Variants in SPDYE21 observed in about 807,000 individuals in gnomAD.
The protein encoded by SPDYE21 is speedy protein E21.
In SPDYE21, 14 loss-of-function variants were observed where a neutral mutation model predicts 36.2. The observed-to-expected ratio is 0.39, with a 90% CI of 0.26 to 0.61. The LOEUF (loss-of-function observed/expected upper bound fraction) is 0.61. Among genes scored for constraint, SPDYE21 ranks in the 20% least tolerant of loss-of-function variants. The pLI, the probability that SPDYE21 is intolerant of heterozygous loss-of-function variation, is 0.55. For synonymous variants in SPDYE21, 58 were observed against 155.1 expected, an observed-to-expected ratio of 0.37 and a Z score of 4.65; for missense variants, 233 against 424.6, an observed-to-expected ratio of 0.55 and a Z score of 3.97.
intron 3 of SPDYE21, among the ~76,000 whole-genome samples, chr7:67,280,808 T>G (rs1584747191): frequency 2.6e-5 from 3 of 115,374 alleles, no homozygotes; most frequent in Admixed American, 1.0e-4. Context: ...TGAGGCAGGG[T>G]GCAGTGGCTC....
At chr7:67,286,005 G>C in intron 6 of SPDYE21, 39 bp from the exon 7 acceptor site, 2 of 1,612,216 alleles carry the variant, frequency 1.2e-6, no homozygotes, top group Middle Eastern at 4.4e-4. Flanking sequence ...GGCCTCTCCT[G>C]GTGGTGCCCC....
chr7:67,282,583 C>T (rs551120950), intron 4 of SPDYE21, 52 bp from the exon 5 acceptor site: 20 of 1,595,728 alleles, frequency 1.3e-5, no homozygotes, highest in Admixed American at 6.7e-5. Context: ...CCTGCTGCTC[C>T]CACGGAAACC....
At chr7:67,287,301 C>G (rs1440887003) in intron 8 of SPDYE21, among the ~76,000 whole-genome samples, 2 of 152,172 alleles carry the variant, frequency 1.3e-5, no homozygotes, top group Non-Finnish European at 2.9e-5. Flanking sequence ...CTGGGGCTGA[C>G]CTTGGGTGTA....
rs1802551999 is a variant in SPDYE21, at chr7:67,276,989, T to C, written c.-496T>C. ...GGGATCGGCTTCCTCTTTCAGTGTGTGCCTTTTCTATGAGCGAGAGACTCC... is the reference window on the plus strand; with the variant it reads ...GGGATCGGCTTCCTCTTTCAGTGTGCGCCTTTTCTATGAGCGAGAGACTCC... On this transcript the variant is annotated 5_prime_UTR_variant, in exon 1 of 9. Transcript: ENST00000424157. Among the ~76,000 whole-genome samples, 4 of 152,202 alleles carry C rather than the reference T, an allele frequency of 2.6e-5. No homozygotes were observed. In the South Asian group the frequency reaches 8.3e-4, roughly 32 times the overall value.
intron 6 of SPDYE21, among the ~76,000 whole-genome samples, chr7:67,284,962 T>C: frequency 6.6e-6 from 1 of 151,152 alleles, no homozygotes. Flanking sequence ...CCAAATGCCC[T>C]CCACTCGACT....
At chr7:67,285,300 C>T (rs1174778733) in intron 6 of SPDYE21, among the ~76,000 whole-genome samples, 2 of 152,218 alleles carry the variant, frequency 1.3e-5, no homozygotes, top group Non-Finnish European at 2.9e-5. Flanking sequence ...ACCACAGCCT[C>T]CATATCCTGG....
rs1381148468 is a variant in SPDYE21, at chr7:67,279,992, C to G, written c.335C>G (p.Ser112Ter). Residue 112 changes from serine to a stop codon, truncating the protein, a stop_gained, in exon 3 of 9, where the codon TCA becomes TGA. Transcript: ENST00000424157. LOFTEE classifies it high-confidence loss of function. ...LKMKLKQQRV[S>*]PILPEHHKDF... ...ATGAAGCTGAAGCAACAGCGAGTGTCACCCATCCTCCCTGAGCACCACAAG... is the reference window on the plus strand; with the variant it reads ...ATGAAGCTGAAGCAACAGCGAGTGTGACCCATCCTCCCTGAGCACCACAAG... 3 of 1,581,260 alleles carry G rather than the reference C, an allele frequency of 1.9e-6. No homozygotes were observed. Among genetic ancestry groups the G allele is most frequent in the Non-Finnish European group, 2.6e-6 (3 of 1,171,882 alleles).
At chr7:67,285,768 C>A (rs554332468) in intron 6 of SPDYE21, among the ~76,000 whole-genome samples, 6 of 152,202 alleles carry the variant, frequency 3.9e-5, no homozygotes, top group African/African-American at 1.4e-4. Flanking sequence ...CTCAAGTGAT[C>A]CTCCTGCTTT....
intron 2 of SPDYE21, 146 bp from the exon 3 acceptor site, chr7:67,279,672 A>G: frequency 6.3e-7 from 1 of 1,576,584 alleles, no homozygotes; most frequent in Non-Finnish European, 8.5e-7. Context: ...CATGGGGTTG[A>G]GCAGAGGAGA....
intron 5 of SPDYE21, among the ~76,000 whole-genome samples, chr7:67,283,279 A>T (rs1021054810): frequency 1.3e-5 from 2 of 150,524 alleles, no homozygotes; most frequent in African/African-American, 4.9e-5. Context: ...GACTAGGCAC[A>T]TGCCACCATG....
chr7:67,288,468 TTAAA>T lies in SPDYE21; in HGVS notation c.*999_*1002del, dbSNP rs1489616116. ...ATTATTTAAATATTATTTTATTTAT[TTAAA>T]TATTTATTAAATATATTTATTTATT... On this transcript the variant is annotated 3_prime_UTR_variant, in exon 9 of 9. Coordinates refer to ENST00000424157, the MANE Select transcript of SPDYE21 (RefSeq NM_001382715.2). Among the ~76,000 whole-genome samples the T allele has an allele frequency of 6.8e-6, 1 of 147,168 alleles. No homozygotes were observed. Among genetic ancestry groups the T allele is most frequent in the East Asian group, 1.9e-4 (1 of 5,152 alleles).
rs563089137 is a variant in SPDYE21 at position 67,277,593 on chromosome 7, G to T, written c.-423+531G>T. ...CCACCACACCTGGCTAATTTGGTTTGGTTTTGTTTTTTTAGAGATGGGCTC... is the reference window on the plus strand; with the variant it reads ...CCACCACACCTGGCTAATTTGGTTTTGTTTTGTTTTTTTAGAGATGGGCTC... On this transcript the variant is annotated intron_variant, in intron 1 of 8. Transcript: ENST00000424157. Among the ~76,000 whole-genome samples, 4 of 151,714 alleles carry T rather than the reference G, an allele frequency of 2.6e-5. No homozygotes were observed. The East Asian group carries it at 5.8e-4, about 22-fold the overall frequency.
intron 6 of SPDYE21, among the ~76,000 whole-genome samples, chr7:67,284,204 T>C (rs1802688581): frequency 6.7e-6 from 1 of 148,992 alleles, no homozygotes; most frequent in African/African-American, 2.5e-5. Flanking sequence ...ATCCCAGCAC[T>C]TTGGGAGGCC....
chr7:67,285,464 C>A (rs1035760574), intron 6 of SPDYE21, among the ~76,000 whole-genome samples: 2 of 151,778 alleles, frequency 1.3e-5, no homozygotes, highest in African/African-American at 4.8e-5. Flanking sequence ...AATCTCAACT[C>A]ACTGCAGCCT....
intron 8 of SPDYE21, among the ~76,000 whole-genome samples, chr7:67,286,995 C>T (rs1244472207): frequency 6.6e-6 from 1 of 152,126 alleles, no homozygotes; most frequent in Non-Finnish European, 1.5e-5. Flanking sequence ...GATTGACGCA[C>T]TTGAGTTACT....
At chr7:67,281,858 G>C (rs1013844971) in intron 4 of SPDYE21, among the ~76,000 whole-genome samples, 1 of 152,206 alleles carries the variant, frequency 6.6e-6, no homozygotes, top group Non-Finnish European at 1.5e-5. Flanking sequence ...TGAGATCCCA[G>C]CACGTTGGGA....
rs1802724860 is a variant in SPDYE21 at position 67,286,032 on chromosome 7, T to G, written c.756-12T>G. On this transcript the variant is annotated splice_polypyrimidine_tract_variant and intron_variant, in intron 6 of 8. Coordinates refer to ENST00000424157, the MANE Select transcript of SPDYE21 (RefSeq NM_001382715.2). ...TGGTGCCCCTGAGCAGCAACCTGAT[T>G]TCTATCCTCAGCTACCTGGCCAATG... The G allele has an allele frequency of 6.2e-7, 1 of 1,612,578 alleles. No individual in the cohort carries two copies. Among genetic ancestry groups the G allele is most frequent in the South Asian group, 1.1e-5 (1 of 91,008 alleles).
Position 67,286,142 on chromosome 7 carries a change from G to C in SPDYE21, c.854G>C (p.Arg285Pro). ...GKTRSRIPLL[R>P]KRWFQLGRSM... Reference sequence around the variant, plus strand: ...ACCCGCTCTCGCATACCCTTGCTCCGTAAGCGTTGGTTCCAGTTAGGCCGT... The same window carrying C: ...ACCCGCTCTCGCATACCCTTGCTCCCTAAGCGTTGGTTCCAGTTAGGCCGT... The change falls in exon 7 of 9, where the codon CGT becomes CCT. Residue 285 changes from arginine to proline, a missense_variant. Physicochemically the swap from Arg to Pro is moderately radical, Grantham distance 103. This residue lies in a region of SPDYE21 where 139 missense variants were observed against 175.8 expected (regional missense o/e 0.79). Coordinates refer to ENST00000424157, the MANE Select transcript of SPDYE21 (RefSeq NM_001382715.2). 1 of 1,612,176 alleles carries C rather than the reference G, an allele frequency of 6.2e-7. No individual in the cohort carries two copies. Among genetic ancestry groups the C allele is most frequent in the Non-Finnish European group, 8.5e-7 (1 of 1,179,630 alleles).
In SPDYE21 at chr7:67,278,146, C is replaced by CACATGATAATCTCACTCTTGT. The variant is rs1563093972; in HGVS notation, c.-422-125_-422-105dup. On this transcript the variant is annotated intron_variant, in intron 1 of 8. Transcript: ENST00000424157. Reference sequence around the variant, plus strand: ...CTTGTACATGATAATCTCACTCTTGCACATGATAATCTCACTCTTGTACAT... The same window carrying CACATGATAATCTCACTCTTGT: ...CTTGTACATGATAATCTCACTCTTGCACATGATAATCTCACTCTTGTACATGATAATCTCACTCTTGTACAT... Among the ~76,000 whole-genome samples the CACATGATAATCTCACTCTTGT allele has an allele frequency of 5.2e-5, 2 of 38,210 alleles. 1 individual carries two copies. Among genetic ancestry groups the CACATGATAATCTCACTCTTGT allele is most frequent in the Non-Finnish European group, 1.0e-4 (2 of 19,730 alleles). 25.1% of individuals were successfully genotyped at this position (38,210 alleles called of 152,430 possible).
Sources: gnomAD v4.1 joint callset for allele counts (sites outside exome capture counted in the v4.1 genomes callset) on GRCh38, gnomAD v4.1.1 for gene constraint, gnomAD v4.1.1 regional missense constraint, MANE v1.5 for transcripts, NCBI Gene and HGNC (gene_info 2026-07-23, HGNC 2026-07-21) for gene names.